DYNC2H1: variants seen among roughly 807,000 people sequenced by gnomAD.
DYNC2H1 encodes dynein cytoplasmic 2 heavy chain 1, also known as cytoplasmic dynein 2 heavy chain 1.
Under a neutral mutation model 570.0 loss-of-function variants are expected in DYNC2H1, and 410 were observed. The observed-to-expected ratio is 0.72, with a 90% CI of 0.66 to 0.78. DYNC2H1 has a LOEUF of 0.78. Ranked by LOEUF, DYNC2H1 falls within the 30% of genes least tolerant of loss-of-function variation. The pLI, the probability that DYNC2H1 is intolerant of heterozygous loss-of-function variation, is 0.00. For missense variants in DYNC2H1, 4,865 were observed against 5,046.4 expected, an observed-to-expected ratio of 0.96 and a Z score of 1.09; for synonymous variants, 1,688 against 1,677.6, an observed-to-expected ratio of 1.01 and a Z score of -0.15.
chr11:103,412,585 T>A (rs960939823), intron 84 of DYNC2H1, among the ~76,000 whole-genome samples: 1 of 152,190 alleles, frequency 6.6e-6, no homozygotes, highest in Admixed American at 6.5e-5. Context: ...ATCTATTGGT[T>A]ATACATTTCT....
intron 87 of DYNC2H1, among the ~76,000 whole-genome samples, 195 bp downstream of exon 87, chr11:103,456,551 G>T (rs1215687232): frequency 6.6e-6 from 1 of 152,110 alleles, no homozygotes; most frequent in African/African-American, 2.4e-5. Context: ...CTCTTCTTAT[G>T]CAAACATAAG....
chr11:103,162,309 A>C (rs937208188), intron 29 of DYNC2H1, among the ~76,000 whole-genome samples: 1 of 152,190 alleles, frequency 6.6e-6, no homozygotes. Flanking sequence ...TGGAACACAG[A>C]GTTATTTAAG....
At chr11:103,237,570 T>C (rs190331367) in intron 63 of DYNC2H1, among the ~76,000 whole-genome samples, 1 of 152,140 alleles carries the variant, frequency 6.6e-6, no homozygotes, top group Admixed American at 6.5e-5. Flanking sequence ...TTTTTTATTA[T>C]TTTCACAATG....
intron 70 of DYNC2H1, among the ~76,000 whole-genome samples, chr11:103,271,805 A>G (rs1865719318): frequency 6.6e-6 from 1 of 152,226 alleles, no homozygotes; most frequent in South Asian, 2.1e-4. Context: ...TTATGCAGCC[A>G]ACAGACACAT....
At chr11:103,431,884 T>C (rs1174662987) in intron 84 of DYNC2H1, among the ~76,000 whole-genome samples, 1 of 152,134 alleles carries the variant, frequency 6.6e-6, no homozygotes, top group Non-Finnish European at 1.5e-5. Context: ...CAACTTGTGG[T>C]GGGGCACTGT....
chr11:103,354,384 T>C (rs11225742), intron 82 of DYNC2H1, among the ~76,000 whole-genome samples: 5,354 of 152,158 alleles, frequency 0.035, 308 homozygotes, highest in African/African-American at 0.12. Context: ...TAAATTTTAA[T>C]GTGCCATCCT....
intron 83 of DYNC2H1, among the ~76,000 whole-genome samples, chr11:103,362,312 AT>A (rs1454832282): frequency 3.8e-5 from 5 of 131,216 alleles, no homozygotes; most frequent in South Asian, 2.4e-4. Flanking sequence ...AAATATATTA[AT>A]TTTTTTCTTT....
chr11:103,477,952 G>A (rs1375546275), intron 88 of DYNC2H1, among the ~76,000 whole-genome samples: 1 of 151,658 alleles, frequency 6.6e-6, no homozygotes, highest in Non-Finnish European at 1.5e-5. Flanking sequence ...TTCCAGGGCA[G>A]GAAATATAAA....
rs1864589098 is a variant in DYNC2H1 at position 103,245,753 on chromosome 11, C to G, written c.10042+379C>G. 6.6e-6 allele frequency among the ~76,000 whole-genome samples: 1 copy of G among 152,006 alleles called. No individual in the cohort carries two copies. The highest frequency in any genetic ancestry group is 1.5e-5 in the Non-Finnish European group (1 of 67,970). ...GAGAACTCTCCCAAAAGCTAAGTTC[C>G]CAGGTGCTGGTTATGGGCCAACTTT... On this transcript the variant is annotated intron_variant, in intron 65 of 88. Transcript: ENST00000375735. This position sits in a 1 kb window ranked among gnomAD's most constrained non-coding sequence, Gnocchi z 4.5.
intron 83 of DYNC2H1, among the ~76,000 whole-genome samples, chr11:103,385,250 T>C (rs1941824094): frequency 6.6e-6 from 1 of 151,834 alleles, no homozygotes; most frequent in African/African-American, 2.4e-5. Context: ...AGTTACTCTT[T>C]AAATTTTGAC....
chr11:103,284,636 A>G (rs1439756556), intron 73 of DYNC2H1, among the ~76,000 whole-genome samples: 1 of 152,226 alleles, frequency 6.6e-6, no homozygotes, highest in Non-Finnish European at 1.5e-5. Flanking sequence ...TAGATCATTT[A>G]TTAAAAAGTA....
At chr11:103,349,207 G>C (rs1939914677) in intron 82 of DYNC2H1, among the ~76,000 whole-genome samples, 1 of 151,998 alleles carries the variant, frequency 6.6e-6, no homozygotes, top group Admixed American at 6.6e-5. Context: ...TAGTGGAATG[G>C]CTAGATTATA....
intron 84 of DYNC2H1, among the ~76,000 whole-genome samples, chr11:103,419,589 A>C (rs1308300559): frequency 6.6e-6 from 1 of 152,054 alleles, no homozygotes; most frequent in African/African-American, 2.4e-5. Flanking sequence ...AACCACACAG[A>C]AAACAATATT....
intron 84 of DYNC2H1, among the ~76,000 whole-genome samples, chr11:103,425,459 A>G (rs1397961941): frequency 1.3e-5 from 2 of 151,940 alleles, no homozygotes; most frequent in Admixed American, 6.6e-5. Context: ...ACCTCTTATT[A>G]TAAGAGCATT....
intron 87 of DYNC2H1, 131 bp downstream of exon 87, chr11:103,456,487 G>A (rs1393783222): frequency 1.6e-5 from 9 of 577,724 alleles, no homozygotes; most frequent in Admixed American, 3.6e-5. Flanking sequence ...TATTATCTAT[G>A]TGAAAAATCA....
At position 103,211,957 on chromosome 11, in the gene DYNC2H1, A is replaced by C; in HGVS notation, c.8694+14A>C. 1 of 1,497,600 alleles carries C rather than the reference A, an allele frequency of 6.7e-7. No homozygotes were observed. The highest frequency in any genetic ancestry group is 8.9e-7 in the Non-Finnish European group (1 of 1,123,872). The allele number at this position is 1,497,600 out of a possible 1,614,324, so 92.8% of individuals were successfully genotyped here. On this transcript the variant is annotated intron_variant, in intron 54 of 88. Transcript: ENST00000375735. The stretch of plus-strand genomic sequence containing the variant: ...AGTCATTTGCAGGTATAGTATTGGT[A>C]ATCTTGAATTATTTTATCTATATAT...
In DYNC2H1 at chr11:103,326,634, A is replaced by G. The variant is rs921259036; in HGVS notation, c.12039+2644A>G. 2.6e-5 allele frequency among the ~76,000 whole-genome samples: 4 copies of G among 152,186 alleles called. No individual in the cohort carries two copies. Among genetic ancestry groups the G allele is most frequent in the African/African-American group, 9.7e-5 (4 of 41,450 alleles). On this transcript the variant is annotated intron_variant, in intron 82 of 88. Transcript: ENST00000375735. The surrounding 1 kb of genome is among the most constrained non-coding windows in gnomAD (Gnocchi z 6.1). ...GGGGGATCTGAAGTGCCCCTAGGTT[A>G]CTTGGAAAATACTCAGATAGTGCGG...
intron 17 of DYNC2H1, among the ~76,000 whole-genome samples, chr11:103,137,426 G>C (rs1216857116): frequency 3.9e-5 from 6 of 151,996 alleles, no homozygotes; most frequent in Non-Finnish European, 4.4e-5. Flanking sequence ...AAGGGATCCA[G>C]TTTCAGCTTT....
At position 103,210,001 on chromosome 11, in the gene DYNC2H1, A is replaced by T. The variant is rs182338937; in HGVS notation, c.8539+41A>T. ...AATCAGTTTGATCTGGTTTTTATTT[A>T]TGAAATAATTGCCGTTTTTAATGCT... On this transcript the variant is annotated intron_variant, in intron 53 of 88. Coordinates refer to ENST00000375735, the MANE Select transcript of DYNC2H1 (RefSeq NM_001377.3). 7.1e-6 allele frequency: 10 copies of T among 1,410,184 alleles called. No individual in the cohort carries two copies. In the African/African-American group the frequency reaches 1.5e-4, roughly 21 times the overall value. The allele number at this position is 1,410,184 out of a possible 1,614,324, so 87.4% of individuals were successfully genotyped here. A position where few individuals can be genotyped will look rare whatever the true frequency, so the allele number is the denominator to read the frequency against.
Sources: gnomAD v4.1 joint callset for allele counts (sites outside exome capture counted in the v4.1 genomes callset) on GRCh38, gnomAD v4.1.1 for gene constraint, Gnocchi (gnomAD v3.1) non-coding constraint, MANE v1.5 for transcripts, NCBI Gene and HGNC (gene_info 2026-07-23, HGNC 2026-07-21) for gene names.